MAPKAP1: variants seen among roughly 807,000 people sequenced by gnomAD.
MAPKAP1 encodes the protein target of rapamycin complex 2 subunit MAPKAP1.
A neutral mutation model predicts 65.7 loss-of-function variants in MAPKAP1; 20 were observed. That is an observed-to-expected ratio of 0.30 (90% CI 0.21 to 0.44). The LOEUF is 0.44. Among genes scored for constraint, MAPKAP1 ranks in the 20% least tolerant of loss-of-function variants. The probability of loss-of-function intolerance (pLI) is 1.00; values close to 1 mark genes in which losing one functional copy is unlikely to be tolerated. For missense variants in MAPKAP1, 423 were observed against 648.0 expected (o/e 0.65, Z 3.77); for synonymous variants, 222 against 244.3 (o/e 0.91, Z 0.85).
chr9:125,697,446 T>C (rs1329854542), intron 1 of MAPKAP1, among the ~76,000 whole-genome samples: 1 of 152,228 alleles, frequency 6.6e-6, no homozygotes, highest in East Asian at 1.9e-4. Context: ...ATGTTTGACA[T>C]AATTGGGACC....
At chr9:125,455,110 A>G (rs2132952502) in intron 10 of MAPKAP1, among the ~76,000 whole-genome samples, 1 of 152,308 alleles carries the variant, frequency 6.6e-6, no homozygotes, top group East Asian at 1.9e-4. Context: ...GCTTTGTGTC[A>G]GTGGCAGAGG....
chr9:125,557,332 T>G (rs1037134205), intron 6 of MAPKAP1, among the ~76,000 whole-genome samples: 1 of 152,242 alleles, frequency 6.6e-6, no homozygotes, highest in Non-Finnish European at 1.5e-5. Flanking sequence ...AACATTCATG[T>G]AGAAAAAGTT....
intron 3 of MAPKAP1, among the ~76,000 whole-genome samples, chr9:125,666,436 G>C (rs566205725): frequency 1.3e-5 from 2 of 152,112 alleles, no homozygotes; most frequent in African/African-American, 4.8e-5. Context: ...TTCTTCTAGT[G>C]GGGAATGAAA....
At chr9:125,556,922 T>C (rs1258057408) in intron 6 of MAPKAP1, among the ~76,000 whole-genome samples, 1 of 152,236 alleles carries the variant, frequency 6.6e-6, no homozygotes, top group East Asian at 1.9e-4. Flanking sequence ...AGAAAATTTA[T>C]TGACACTTTT....
intron 5 of MAPKAP1, among the ~76,000 whole-genome samples, chr9:125,577,480 T>G (rs1409162187): frequency 1.5e-5 from 2 of 129,870 alleles, no homozygotes; most frequent in African/African-American, 3.0e-5. Flanking sequence ...GTCTGGGAGG[T>G]GAGGGGCACC....
At chr9:125,582,758 G>A (rs1425748620) in intron 5 of MAPKAP1, among the ~76,000 whole-genome samples, 1 of 152,138 alleles carries the variant, frequency 6.6e-6, no homozygotes, top group East Asian at 1.9e-4. Context: ...ATTTCCTCTG[G>A]TCCCCGTCCA....
intron 6 of MAPKAP1, among the ~76,000 whole-genome samples, chr9:125,555,687 C>T (rs777149169): frequency 2.6e-5 from 4 of 152,238 alleles, no homozygotes; most frequent in Non-Finnish European, 5.9e-5. Context: ...GCTGGGTGCT[C>T]AGGATACAGA....
chr9:125,589,095 C>G (rs1052503565), intron 4 of MAPKAP1, among the ~76,000 whole-genome samples: 5 of 152,156 alleles, frequency 3.3e-5, no homozygotes, highest in Non-Finnish European at 5.9e-5. Context: ...TCTCTCTATG[C>G]TTCTGTTTCC....
At chr9:125,568,419 G>C (rs1024530027) in intron 5 of MAPKAP1, among the ~76,000 whole-genome samples, 1 of 152,130 alleles carries the variant, frequency 6.6e-6, no homozygotes, top group African/African-American at 2.4e-5. Context: ...TGCAACCAAC[G>C]AGCAGCCGCC....
At chr9:125,614,501 G>A (rs1832690231) in intron 4 of MAPKAP1, among the ~76,000 whole-genome samples, 1 of 152,102 alleles carries the variant, frequency 6.6e-6, no homozygotes, top group Non-Finnish European at 1.5e-5. Flanking sequence ...GCAGGCGCCT[G>A]TAATCCCAGC....
At chr9:125,689,098 T>C (rs760195251) in intron 1 of MAPKAP1, among the ~76,000 whole-genome samples, 5 of 152,062 alleles carry the variant, frequency 3.3e-5, no homozygotes, top group Admixed American at 2.0e-4. Context: ...CCAAGAGGCT[T>C]ACAGTCAAGC....
chr9:125,598,633 C>T (rs1832210820), intron 4 of MAPKAP1, among the ~76,000 whole-genome samples: 1 of 152,136 alleles, frequency 6.6e-6, no homozygotes, highest in South Asian at 2.1e-4. Flanking sequence ...ATAAGCAATG[C>T]CACTTACTAT....
intron 1 of MAPKAP1, among the ~76,000 whole-genome samples, chr9:125,693,872 C>CACACATAT (rs1042696705): frequency 1.4e-5 from 2 of 147,174 alleles, no homozygotes; most frequent in African/African-American, 5.1e-5. Flanking sequence ...CACACACACA[C>CACACATAT]ATATATATAT....
At chr9:125,526,779 CTTTT>C (rs1355967835) in intron 7 of MAPKAP1, among the ~76,000 whole-genome samples, 1 of 147,550 alleles carries the variant, frequency 6.8e-6, no homozygotes, top group African/African-American at 2.5e-5. Flanking sequence ...TTTCTTTTTT[CTTTT>C]TTCTTTTTTT....
intron 5 of MAPKAP1, among the ~76,000 whole-genome samples, chr9:125,564,498 T>C (rs556218449): frequency 7.2e-5 from 11 of 152,306 alleles, no homozygotes; most frequent in Admixed American, 1.3e-4. Context: ...ATTTAGAAAT[T>C]TGAAGCAGTA....
At chr9:125,474,324 G>T (rs912741342) in intron 9 of MAPKAP1, among the ~76,000 whole-genome samples, 11 of 152,112 alleles carry the variant, frequency 7.2e-5, no homozygotes, top group Non-Finnish European at 1.6e-4. Flanking sequence ...CAACCTCCAA[G>T]AGTTCAATTC....
intron 4 of MAPKAP1, chr9:125,652,293 G>A: frequency 8.5e-7 from 1 of 1,176,806 alleles, no homozygotes; most frequent in Non-Finnish European, 1.1e-6. Context: ...TGTATTTAAG[G>A]ACTATCATCC....
intron 7 of MAPKAP1, among the ~76,000 whole-genome samples, chr9:125,534,938 T>C (rs981403649): frequency 2.0e-5 from 3 of 152,248 alleles, no homozygotes; most frequent in Non-Finnish European, 4.4e-5. Flanking sequence ...TATGGTATTA[T>C]AATTGCCTGC....
rs1166711182 is a variant in MAPKAP1, at chr9:125,693,870, CACAT to C, written c.-70+13097_-70+13100del. 4.0e-4 allele frequency among the ~76,000 whole-genome samples: 60 copies of C among 151,262 alleles called. 2 individuals carry two copies. The highest frequency in any genetic ancestry group is 1.0e-3 in the South Asian group (5 of 4,774). ...ATACACACACACACACACACACACACACATATATATATAGTTGGCCGGGCATAGG... is the reference window on the plus strand; with the variant it reads ...ATACACACACACACACACACACACACATATATATAGTTGGCCGGGCATAGG... On this transcript the variant is annotated intron_variant, in intron 1 of 11. Coordinates refer to ENST00000265960, the MANE Select transcript of MAPKAP1 (RefSeq NM_001006617.3).
Sources: gnomAD v4.1 joint callset for allele counts (sites outside exome capture counted in the v4.1 genomes callset) on GRCh38, gnomAD v4.1.1 for gene constraint, MANE v1.5 for transcripts, NCBI Gene and HGNC (gene_info 2026-07-23, HGNC 2026-07-21) for gene names.